The following FOXP1 variants were observed in gnomAD, a reference collection of about 807,000 sequenced individuals.
The protein encoded by FOXP1 is forkhead box P1.
A neutral mutation model predicts 98.2 loss-of-function variants in FOXP1; 15 were observed. The ratio of observed to expected loss-of-function variants is 0.15; its 90% CI spans 0.10 to 0.24. FOXP1 has a LOEUF of 0.24. FOXP1 is among the 10% of genes least tolerant of loss of function. The probability of loss-of-function intolerance (pLI) is 1.00; values close to 1 mark genes in which losing one functional copy is unlikely to be tolerated. For synonymous variants in FOXP1, 371 were observed against 314.5 expected (o/e 1.18, Z -1.90); for missense variants, 633 against 848.5 (o/e 0.75, Z 3.15).
chr3:71,082,654 C>CA lies in FOXP1; in HGVS notation c.283-28882dup, dbSNP rs901895146. Among the ~76,000 whole-genome samples the CA allele has an allele frequency of 1.6e-3, 226 of 143,844 alleles. 1 individual carries two copies. The South Asian group carries it at 0.017, about 11-fold the overall frequency. The allele number at this position is 143,844 out of a possible 152,430, so 94.4% of individuals were successfully genotyped here. A position where few individuals can be genotyped will look rare whatever the true frequency, so the allele number is the denominator to read the frequency against. On this transcript the variant is annotated intron_variant, in intron 7 of 20. Coordinates refer to ENST00000649528, the MANE Select transcript of FOXP1 (RefSeq NM_001349338.3). Reference sequence around the variant, plus strand: ...TAAAAAAAAAAGAAAACAACAACAACAAAAAAAAAACAGACAAAAATTGTA... The same window carrying CA: ...TAAAAAAAAAAGAAAACAACAACAACAAAAAAAAAAACAGACAAAAATTGTA...
chr3:71,234,143 T>A (rs2066574657), intron 5 of FOXP1, among the ~76,000 whole-genome samples: 1 of 135,822 alleles, frequency 7.4e-6, no homozygotes, highest in African/African-American at 2.9e-5. Context: ...CGCTTTTACA[T>A]GTTTAATATT....
At chr3:71,486,768 T>C (rs2090681637) in intron 3 of FOXP1, among the ~76,000 whole-genome samples, 1 of 152,196 alleles carries the variant, frequency 6.6e-6, no homozygotes, top group Non-Finnish European at 1.5e-5. Context: ...TCTTTGCTTC[T>C]GTGCATTACT....
chr3:71,176,245 G>A (rs1298274551), intron 6 of FOXP1, among the ~76,000 whole-genome samples: 1 of 152,114 alleles, frequency 6.6e-6, no homozygotes, highest in African/African-American at 2.4e-5. Context: ...TTAAGTCTTC[G>A]GGTTCCATGT....
At chr3:71,483,152 C>T (rs1393320390) in intron 3 of FOXP1, among the ~76,000 whole-genome samples, 1 of 152,032 alleles carries the variant, frequency 6.6e-6, no homozygotes, top group Non-Finnish European at 1.5e-5. Context: ...CGTCACTTTT[C>T]AAAGTCTACT....
chr3:71,521,553 G>A (rs1031053095), intron 2 of FOXP1, among the ~76,000 whole-genome samples: 10 of 151,124 alleles, frequency 6.6e-5, no homozygotes, highest in Admixed American at 1.3e-4. Flanking sequence ...GGGGAGGGGG[G>A]GGACCTGGGT....
chr3:71,392,684 T>G (rs939392233), intron 3 of FOXP1, among the ~76,000 whole-genome samples: 4 of 152,224 alleles, frequency 2.6e-5, no homozygotes, highest in African/African-American at 9.6e-5. Context: ...CTCTTCCCAG[T>G]AGAAAGCTCA....
intron 6 of FOXP1, among the ~76,000 whole-genome samples, chr3:71,141,524 C>A (rs2060069715): frequency 3.3e-5 from 5 of 152,158 alleles, no homozygotes; most frequent in Admixed American, 3.3e-4. Flanking sequence ...ACTCAGGCAA[C>A]CTTTCAAAAC....
chr3:71,491,579 C>CAGAA (rs772825677), intron 3 of FOXP1, among the ~76,000 whole-genome samples: 7 of 152,190 alleles, frequency 4.6e-5, no homozygotes, highest in Non-Finnish European at 7.3e-5. Context: ...TTGCCACTGA[C>CAGAA]AGAAGTAATA....
rs181354730 is a variant in FOXP1, at chr3:71,501,582, G to A, written c.-297-8027C>T. The stretch of plus-strand genomic sequence containing the variant: ...GCTGGGATTATAGGCGTGAGCCACC[G>A]TGCCCAGCCCAAAAGGTGAAAACAC... On this transcript the variant is annotated intron_variant, in intron 2 of 20. Coordinates refer to ENST00000649528, the MANE Select transcript of FOXP1 (RefSeq NM_001349338.3). Among the ~76,000 whole-genome samples, 39 of 152,234 alleles carry A rather than the reference G, an allele frequency of 2.6e-4. No individual in the cohort carries two copies. In the East Asian group the frequency reaches 4.5e-3, roughly 17 times the overall value.
chr3:71,505,308 T>C (rs184187786), intron 2 of FOXP1, among the ~76,000 whole-genome samples: 97 of 151,820 alleles, frequency 6.4e-4, no homozygotes, highest in Non-Finnish European at 1.1e-3. Flanking sequence ...TAGTGCAGCT[T>C]GGAAATGAGA....
chr3:71,016,397 G>A (rs1293694286), intron 11 of FOXP1, among the ~76,000 whole-genome samples: 1 of 152,108 alleles, frequency 6.6e-6, no homozygotes, highest in Non-Finnish European at 1.5e-5. Flanking sequence ...TCGGGGAAGA[G>A]TATCTGTTGC....
intron 2 of FOXP1, among the ~76,000 whole-genome samples, chr3:71,576,696 A>ACT (rs752876123): frequency 2.1e-4 from 32 of 152,172 alleles, no homozygotes; most frequent in Non-Finnish European, 3.7e-4. Flanking sequence ...TGCCCTTTGC[A>ACT]CTCTACCAAT....
chr3:71,093,189 G>C (rs1362574999), intron 7 of FOXP1, among the ~76,000 whole-genome samples: 1 of 151,390 alleles, frequency 6.6e-6, no homozygotes, highest in African/African-American at 2.4e-5. Context: ...GGGAGGCAGA[G>C]GGTGCAGTGA....
At chr3:71,323,724 T>A (rs1466187809) in intron 4 of FOXP1, among the ~76,000 whole-genome samples, 1 of 152,232 alleles carries the variant, frequency 6.6e-6, no homozygotes, top group African/African-American at 2.4e-5. Flanking sequence ...TCACGAGTAC[T>A]TATGCAATCT....
intron 2 of FOXP1, among the ~76,000 whole-genome samples, chr3:71,499,500 A>G (rs1441706917): frequency 6.6e-6 from 1 of 152,246 alleles, no homozygotes; most frequent in South Asian, 2.1e-4. Context: ...ATACATCTTC[A>G]TAATTGTTCG....
chr3:71,581,977 G>T (rs2048210499), intron 1 of FOXP1: 1 of 810,274 alleles, frequency 1.2e-6, no homozygotes, highest in East Asian at 1.3e-4. Flanking sequence ...GAGGAATAGG[G>T]AGAAGGGGGT....
chr3:70,984,841 CG>C (rs2039464349), intron 14 of FOXP1, among the ~76,000 whole-genome samples: 1 of 152,158 alleles, frequency 6.6e-6, no homozygotes, highest in Non-Finnish European at 1.5e-5. Context: ...GGCACCTTCC[CG>C]AGATGAGCGT....
chr3:71,286,799 C>A (rs1051785383), intron 5 of FOXP1, among the ~76,000 whole-genome samples: 2 of 152,158 alleles, frequency 1.3e-5, no homozygotes, highest in Non-Finnish European at 2.9e-5. Context: ...ACAGAAAACA[C>A]ATGTACGCAG....
chr3:71,346,499 A>G (rs1350554709), intron 4 of FOXP1, among the ~76,000 whole-genome samples: 1 of 152,236 alleles, frequency 6.6e-6, no homozygotes, highest in Non-Finnish European at 1.5e-5. Flanking sequence ...AATTAATACA[A>G]CCACACAGTA....
Sources: allele counts gnomAD v4.1 joint callset (sites outside exome capture counted in the v4.1 genomes callset), GRCh38; gene constraint gnomAD v4.1.1; transcripts MANE v1.5; gene names NCBI Gene and HGNC (gene_info 2026-07-23, HGNC 2026-07-21).